Variants in RFTN1 observed in about 807,000 individuals in gnomAD.
RFTN1 encodes the protein raftlin, lipid raft linker 1.
In RFTN1, 26 loss-of-function variants were observed where a neutral mutation model predicts 46.5. The ratio of observed to expected loss-of-function variants is 0.56; its 90% CI spans 0.41 to 0.78. The LOEUF is 0.78. RFTN1 is among the 30% of genes least tolerant of loss of function. The pLI is 0.00. For missense variants in RFTN1, 693 were observed against 718.7 expected (o/e 0.96, Z 0.41); for synonymous variants, 261 against 284.2 (o/e 0.92, Z 0.82).
rs2125516476 is a variant in RFTN1 at position 16,443,497 on chromosome 3, A to C, written c.146-9460T>G. Among the ~76,000 whole-genome samples, 1 of 152,302 alleles carries C rather than the reference A, an allele frequency of 6.6e-6. No homozygotes were observed. Among genetic ancestry groups the C allele is most frequent in the African/African-American group, 2.4e-5 (1 of 41,574 alleles). On this transcript the variant is annotated intron_variant, in intron 2 of 9. Transcript: ENST00000334133. The surrounding 1 kb of genome is among the most constrained non-coding windows in gnomAD (Gnocchi z 5.5). ...TAATACCTTAATTAAACCATGGATG[A>C]ACACACAGGGGAATCTCAGTAAGAC...
Position 16,345,830 on chromosome 3 carries a change from G to GCGCGCA in RFTN1, c.1146+12096_1146+12101dup, listed in dbSNP as rs1160106488. ...TGTGTGTGTGTGTGCGCGCGCGCGT[G>GCGCGCA]CGCGCACGCGCACATGTGCATGTGT... On this transcript the variant is annotated intron_variant, in intron 7 of 9. Transcript: ENST00000334133. This position sits in a 1 kb window ranked among gnomAD's most constrained non-coding sequence, Gnocchi z 5.2. Among the ~76,000 whole-genome samples, 1 of 81,828 alleles carries GCGCGCA rather than the reference G, an allele frequency of 1.2e-5. No individual in the cohort carries two copies. 53.7% of individuals were successfully genotyped at this position (81,828 alleles called of 152,430 possible). A position where few individuals can be genotyped will look rare whatever the true frequency, so the allele number is the denominator to read the frequency against.
chr3:16,444,823 C>T (rs1172026021), intron 2 of RFTN1, among the ~76,000 whole-genome samples: 2 of 152,184 alleles, frequency 1.3e-5, no homozygotes, highest in African/African-American at 2.4e-5. Context: ...TTTAACCCAC[C>T]ACCACTACAA....
At position 16,452,662 on chromosome 3, in the gene RFTN1, G is replaced by C. The variant is rs1005840881; in HGVS notation, c.146-18625C>G. Among the ~76,000 whole-genome samples the C allele has an allele frequency of 5.9e-5, 9 of 152,118 alleles. No individual in the cohort carries two copies. Among genetic ancestry groups the C allele is most frequent in the African/African-American group, 2.2e-4 (9 of 41,396 alleles). Reference sequence around the variant, plus strand: ...CTTTTTGATTTACTGACCAATTATGGTCTCAACTGTGACAGTGAAGGAGTG... The same window carrying C: ...CTTTTTGATTTACTGACCAATTATGCTCTCAACTGTGACAGTGAAGGAGTG... On this transcript the variant is annotated intron_variant, in intron 2 of 9. Coordinates refer to ENST00000334133, the MANE Select transcript of RFTN1 (RefSeq NM_015150.2). This position sits in a 1 kb window ranked among gnomAD's most constrained non-coding sequence, Gnocchi z 6.3.
At position 16,480,937 on chromosome 3, in the gene RFTN1, G is replaced by A. The variant is rs1238818062; in HGVS notation, c.145+12788C>T. ...AGGAATTTCATTTTACTGAAGGCAG[G>A]CTTAGTTGCTGAAATTTACTGCTTG... On this transcript the variant is annotated intron_variant, in intron 2 of 9. Coordinates refer to ENST00000334133, the MANE Select transcript of RFTN1 (RefSeq NM_015150.2). This position sits in a 1 kb window ranked among gnomAD's most constrained non-coding sequence, Gnocchi z 4.3. Among the ~76,000 whole-genome samples, 1 of 151,654 alleles carries A rather than the reference G, an allele frequency of 6.6e-6. No homozygotes were observed. The highest frequency in any genetic ancestry group is 2.4e-5 in the African/African-American group (1 of 41,244).
chr3:16,423,232 G>A (rs901837074), intron 3 of RFTN1, among the ~76,000 whole-genome samples: 31 of 152,028 alleles, frequency 2.0e-4, no homozygotes, highest in Non-Finnish European at 3.4e-4. Flanking sequence ...TCAAATCGGG[G>A]CAGTTTTGTC....
intron 2 of RFTN1, chr3:16,482,600 C>T (rs1323644060): frequency 2.7e-6 from 2 of 754,346 alleles, no homozygotes; most frequent in African/African-American, 3.4e-5. Flanking sequence ...GTTGCAGAAC[C>T]ACGGGCACAT....
intron 1 of RFTN1, among the ~76,000 whole-genome samples, chr3:16,503,128 G>T (rs777935327): frequency 6.6e-6 from 1 of 152,120 alleles, no homozygotes; most frequent in Admixed American, 6.5e-5. Context: ...ATCTCAGTCT[G>T]TCTCAGGAGG....
intron 4 of RFTN1, among the ~76,000 whole-genome samples, chr3:16,399,694 T>C (rs1287038175): frequency 6.6e-6 from 1 of 152,200 alleles, no homozygotes; most frequent in Non-Finnish European, 1.5e-5. Flanking sequence ...AGTTACCATC[T>C]GCCAGCAGGC....
At chr3:16,398,091 G>A (rs842492) in intron 4 of RFTN1, among the ~76,000 whole-genome samples, 96,847 of 150,994 alleles carry the variant, frequency 0.64, 32,544 homozygotes, top group African/African-American at 0.86. Flanking sequence ...CTAAAAATAC[G>A]AAAAAATCAG....
Position 16,489,341 on chromosome 3 carries a change from C to A in RFTN1, c.145+4384G>T, listed in dbSNP as rs2076503348. Among the ~76,000 whole-genome samples the A allele has an allele frequency of 6.6e-6, 1 of 152,078 alleles. No homozygotes were observed. Among genetic ancestry groups the A allele is most frequent in the Admixed American group, 6.5e-5 (1 of 15,276 alleles). ...GCTGAGGCACAAGAATTATTTGAACCCAGGAGGTGAAGATTGCAGTGAGCC... is the reference window on the plus strand; with the variant it reads ...GCTGAGGCACAAGAATTATTTGAACACAGGAGGTGAAGATTGCAGTGAGCC... On this transcript the variant is annotated intron_variant, in intron 2 of 9. Transcript: ENST00000334133. The surrounding 1 kb of genome is among the most constrained non-coding windows in gnomAD (Gnocchi z 4.0).
rs10703577 is a variant in RFTN1 at position 16,345,264 on chromosome 3, TTGTGTGTGTGTGTGTGTGTGTG to T, written c.1146+12646_1146+12667del. 30 of 145,838 alleles carry T rather than the reference TTGTGTGTGTGTGTGTGTGTGTG, an allele frequency of 2.1e-4. No homozygotes were observed. The highest frequency in any genetic ancestry group is 7.2e-4 in the African/African-American group (27 of 37,754). 9.0% of individuals were successfully genotyped at this position (145,838 alleles called of 1,614,324 possible). A position where few individuals can be genotyped will look rare whatever the true frequency, so the allele number is the denominator to read the frequency against. On this transcript the variant is annotated intron_variant, in intron 7 of 9. Transcript: ENST00000334133. The surrounding 1 kb of genome is among the most constrained non-coding windows in gnomAD (Gnocchi z 5.2). ...AAACTGTAAGATAATAAGTAGGTGGTTGTGTGTGTGTGTGTGTGTGTGTGTGTGTGTGTGTGTTTAAAGCTGT... is the reference window on the plus strand; with the variant it reads ...AAACTGTAAGATAATAAGTAGGTGGTTGTGTGTGTGTGTGTTTAAAGCTGT...
chr3:16,411,787 T>C (rs1366903630), intron 3 of RFTN1, among the ~76,000 whole-genome samples: 1 of 152,200 alleles, frequency 6.6e-6, no homozygotes, highest in Admixed American at 6.5e-5. Context: ...TTCTGTTACA[T>C]GGAAACAGGC....
chr3:16,473,239 C>T lies in RFTN1; in HGVS notation c.145+20486G>A, dbSNP rs2076226433. Among the ~76,000 whole-genome samples the T allele has an allele frequency of 6.6e-6, 1 of 152,100 alleles. No individual in the cohort carries two copies. The highest frequency in any genetic ancestry group is 2.1e-4 in the South Asian group (1 of 4,816). On this transcript the variant is annotated intron_variant, in intron 2 of 9. Transcript: ENST00000334133. The surrounding 1 kb of genome is among the most constrained non-coding windows in gnomAD (Gnocchi z 5.3). ...ATACCACCTCCACCCCAATACTGGG[C>T]CAGACTCCATGATACCAGGTGACTG...
At chr3:16,372,016 CAG>C (rs1322861086) in intron 5 of RFTN1, among the ~76,000 whole-genome samples, 1 of 152,126 alleles carries the variant, frequency 6.6e-6, no homozygotes, top group Non-Finnish European at 1.5e-5. Context: ...TCCTGGGTGT[CAG>C]GGGTTCAATT....
At chr3:16,386,762 T>G (rs1329661559) in intron 4 of RFTN1, among the ~76,000 whole-genome samples, 1 of 148,650 alleles carries the variant, frequency 6.7e-6, no homozygotes. Context: ...GAGGTGGGGG[T>G]TGGTAACAGA....
chr3:16,366,425 G>A (rs1270004043), intron 6 of RFTN1, among the ~76,000 whole-genome samples: 2 of 150,492 alleles, frequency 1.3e-5, no homozygotes, highest in African/African-American at 2.4e-5. Context: ...TGAGTGCCTG[G>A]CTGCTCTATA....
rs1189271789 is a variant in RFTN1, at chr3:16,327,066, T to C, written c.1147-190A>G. Among the ~76,000 whole-genome samples, 1 of 152,238 alleles carries C rather than the reference T, an allele frequency of 6.6e-6. No individual in the cohort carries two copies. The highest frequency in any genetic ancestry group is 2.1e-4 in the South Asian group (1 of 4,832). On this transcript the variant is annotated intron_variant, in intron 7 of 9. Coordinates refer to ENST00000334133, the MANE Select transcript of RFTN1 (RefSeq NM_015150.2). This position sits in a 1 kb window ranked among gnomAD's most constrained non-coding sequence, Gnocchi z 4.2. ...GGAGTCAAACTGCCAACATGGGATT[T>C]CCTTCTGGGCCCCATTTCAGTCTGT...
intron 6 of RFTN1, among the ~76,000 whole-genome samples, chr3:16,359,088 C>CACT (rs932251418): frequency 2.1e-4 from 30 of 143,942 alleles, no homozygotes; most frequent in African/African-American, 7.7e-4. Flanking sequence ...CTATAGAATA[C>CACT]ACTAAGGGAA....
chr3:16,417,852 C>T (rs775997141), intron 3 of RFTN1, among the ~76,000 whole-genome samples: 2 of 152,298 alleles, frequency 1.3e-5, no homozygotes, highest in African/African-American at 2.4e-5. Context: ...GGACTACAGG[C>T]GTGTACCACC....
Sources: allele counts gnomAD v4.1 joint callset (sites outside exome capture counted in the v4.1 genomes callset), GRCh38; gene constraint gnomAD v4.1.1; non-coding constraint Gnocchi (gnomAD v3.1); transcripts MANE v1.5; gene names NCBI Gene and HGNC (gene_info 2026-07-23, HGNC 2026-07-21).